C11orf65: variants seen among roughly 807,000 people sequenced by gnomAD.
C11orf65 encodes protein MFI.
In C11orf65, 38 loss-of-function variants were observed where a neutral mutation model predicts 35.3. The ratio of observed to expected loss-of-function variants is 1.08; its 90% CI spans 0.83 to 1.41. The LOEUF (loss-of-function observed/expected upper bound fraction) is 1.41. Among genes scored for constraint, C11orf65 ranks in the 40% most tolerant of loss-of-function variants. C11orf65 has a pLI of 0.00. For synonymous variants in C11orf65, 105 were observed against 114.4 expected (o/e 0.92, Z 0.53); for missense variants, 370 against 367.1 (o/e 1.01, Z -0.06).
chr11:108,391,654 C>T (rs2092163345), intron 7 of C11orf65, among the ~76,000 whole-genome samples: 2 of 152,166 alleles, frequency 1.3e-5, no homozygotes, highest in South Asian at 4.1e-4. Context: ...GCTGGGATTA[C>T]AGGCGTGAGC....
At position 108,444,036 on chromosome 11, in the gene C11orf65, G is replaced by A. The variant is rs190613692; in HGVS notation, c.82-12198C>T. Among the ~76,000 whole-genome samples, 5 of 151,582 alleles carry A rather than the reference G, an allele frequency of 3.3e-5. No individual in the cohort carries two copies. In the East Asian group the frequency reaches 9.7e-4, roughly 29 times the overall value. On this transcript the variant is annotated intron_variant, in intron 2 of 8. Coordinates refer to ENST00000393084, the MANE Select transcript of C11orf65 (RefSeq NM_152587.5). ...AAAAATCAATGAATCCAGGAGCTGG[G>A]TTTTTAAAAAGATCAACAAAATTGA...
chr11:108,321,167 TC>T, intron 6 of C11orf65: 2 of 1,173,044 alleles, frequency 1.7e-6, no homozygotes, highest in Admixed American at 4.6e-5. Flanking sequence ...TATTTTGTAT[TC>T]ACTGTTGCTT....
chr11:108,309,138 T>G, intron 6 of C11orf65: 1 of 890,372 alleles, frequency 1.1e-6, no homozygotes, highest in Non-Finnish European at 1.8e-6. Context: ...AAGCTTGTGC[T>G]GTGTAAAAAT....
chr11:108,335,176 C>T (rs1276410870), intron 3 of C11orf65: 15 of 1,608,434 alleles, frequency 9.3e-6, no homozygotes, highest in Non-Finnish European at 1.3e-5. Flanking sequence ...TTCATATTTT[C>T]TTTCTGCTTT....
chr11:108,435,770 G>C (rs1463801250), intron 2 of C11orf65, among the ~76,000 whole-genome samples: 1 of 151,986 alleles, frequency 6.6e-6, no homozygotes, highest in African/African-American at 2.4e-5. Context: ...GTTTTCTCCT[G>C]CTCCCATTCC....
intron 6 of C11orf65, among the ~76,000 whole-genome samples, chr11:108,402,932 G>A (rs151266002): frequency 1.1e-3 from 163 of 152,246 alleles, no homozygotes; most frequent in South Asian, 5.6e-3. Flanking sequence ...GTACTGCTGC[G>A]TAGTATTCCT....
rs891320767 is a variant in C11orf65, at chr11:108,462,804, G to A, written c.-9-1236C>T. Among the ~76,000 whole-genome samples the A allele has an allele frequency of 2.6e-5, 4 of 152,290 alleles. No homozygotes were observed. The East Asian group carries it at 7.7e-4, about 29-fold the overall frequency. The stretch of plus-strand genomic sequence containing the variant: ...CTGACATGCTTTATCATAATCCAAA[G>A]TGAACAAATTTTGCTTAAAAGCTTA... On this transcript the variant is annotated intron_variant, in intron 1 of 8. Transcript: ENST00000393084.
intron 2 of C11orf65, among the ~76,000 whole-genome samples, chr11:108,363,113 T>G (rs868626567): frequency 1.3e-5 from 2 of 152,312 alleles, no homozygotes; most frequent in Middle Eastern, 3.4e-3. Context: ...CAAGAATAAT[T>G]TTCCCAGTGA....
chr11:108,430,006 C>T (rs1264351181), intron 3 of C11orf65, among the ~76,000 whole-genome samples: 1 of 151,808 alleles, frequency 6.6e-6, no homozygotes, highest in Non-Finnish European at 1.5e-5. Flanking sequence ...TAAGGAGTTA[C>T]TGTTTAATGA....
At chr11:108,339,427 A>T (rs920781328) in intron 2 of C11orf65, among the ~76,000 whole-genome samples, 1 of 152,134 alleles carries the variant, frequency 6.6e-6, no homozygotes, top group African/African-American at 2.4e-5. Flanking sequence ...ATCTTAAGAC[A>T]TTCACTGAAT....
At chr11:108,465,927 G>A (rs1413392820) in intron 1 of C11orf65, among the ~76,000 whole-genome samples, 1 of 151,280 alleles carries the variant, frequency 6.6e-6, no homozygotes, top group South Asian at 2.1e-4. Context: ...GGAGGTTGCG[G>A]TGAGTCGAGA....
chr11:108,411,644 G>A (rs2092658339), intron 3 of C11orf65, among the ~76,000 whole-genome samples: 1 of 151,998 alleles, frequency 6.6e-6, no homozygotes, highest in Admixed American at 6.5e-5. Context: ...GTAAGTTTTT[G>A]TCTTATAAGT....
chr11:108,359,266 C>A (rs1244278), intron 2 of C11orf65, among the ~76,000 whole-genome samples: 10 of 151,430 alleles, frequency 6.6e-5, no homozygotes, highest in South Asian at 2.1e-4. Context: ...TATATATGCA[C>A]CCAATACAGG....
At chr11:108,376,677 T>G (rs963264850) in intron 2 of C11orf65, among the ~76,000 whole-genome samples, 1 of 151,980 alleles carries the variant, frequency 6.6e-6, no homozygotes, top group African/African-American at 2.4e-5. Context: ...TTCAAAAAAT[T>G]AATGAATCCA....
intron 2 of C11orf65, among the ~76,000 whole-genome samples, chr11:108,370,452 A>G (rs910326381): frequency 6.7e-6 from 1 of 150,318 alleles, no homozygotes; most frequent in African/African-American, 2.4e-5. Flanking sequence ...TCATATTCCA[A>G]TCTATACTGT....
intron 6 of C11orf65, among the ~76,000 whole-genome samples, 161 bp from the exon 7 acceptor site, chr11:108,393,539 T>C (rs1278465436): frequency 1.3e-5 from 2 of 152,340 alleles, no homozygotes; most frequent in East Asian, 1.9e-4. Flanking sequence ...CCAAGATCTA[T>C]GTGATGGAAT....
At chr11:108,319,001 C>T (rs2084989823) in intron 6 of C11orf65, among the ~76,000 whole-genome samples, 1 of 151,420 alleles carries the variant, frequency 6.6e-6, no homozygotes, top group Non-Finnish European at 1.5e-5. Flanking sequence ...CATGGTGAAA[C>T]CCCATCTCTA....
downstream of C11orf65, among the ~76,000 whole-genome samples, chr11:108,377,975 T>C (rs2091772319): frequency 6.6e-6 from 1 of 150,836 alleles, no homozygotes; most frequent in South Asian, 2.1e-4. Context: ...CTCAACGAAA[T>C]AAAAGAGGAT....
At chr11:108,423,499 G>T (rs962594833) in intron 3 of C11orf65, among the ~76,000 whole-genome samples, 1 of 152,230 alleles carries the variant, frequency 6.6e-6, no homozygotes, top group Admixed American at 6.5e-5. Flanking sequence ...AGACTTAAAC[G>T]TTCCTGCCTG....
Sources: gnomAD v4.1 joint callset for allele counts (sites outside exome capture counted in the v4.1 genomes callset) on GRCh38, gnomAD v4.1.1 for gene constraint, MANE v1.5 for transcripts, NCBI Gene and HGNC (gene_info 2026-07-23, HGNC 2026-07-21) for gene names.